FMN1: variants seen among roughly 807,000 people sequenced by gnomAD.
FMN1 encodes formin 1.
In FMN1, 110 loss-of-function variants were observed where a neutral mutation model predicts 132.4. The observed-to-expected ratio is 0.83, with a 90% confidence interval of 0.71 to 0.97. FMN1 has a LOEUF of 0.97. Ranked by LOEUF, FMN1 falls within the 50% of genes least tolerant of loss-of-function variation. The probability of loss-of-function intolerance (pLI) is 0.00; values close to 1 mark genes in which losing one functional copy is unlikely to be tolerated. For missense variants in FMN1, 1,792 were observed against 1,705.3 expected (o/e 1.05, Z -0.90); for synonymous variants, 722 against 651.7 (o/e 1.11, Z -1.64).
At chr15:32,941,075 C>A (rs1005743295) in intron 9 of FMN1, among the ~76,000 whole-genome samples, 6 of 151,798 alleles carry the variant, frequency 4.0e-5, no homozygotes, top group African/African-American at 1.2e-4. Flanking sequence ...AAGCAGCCTG[C>A]GAAAAAAATC....
chr15:32,990,065 T>G (rs1410096939), intron 7 of FMN1, among the ~76,000 whole-genome samples: 1 of 152,194 alleles, frequency 6.6e-6, no homozygotes, highest in Non-Finnish European at 1.5e-5. Context: ...GTTTTGGGAA[T>G]TTTAAATTTG....
chr15:32,856,274 G>A lies in FMN1; in HGVS notation c.3928+741C>T, dbSNP rs1430114777. ...CTCTAGCTTTCCAGCAGGGAAAAAA[G>A]CTGCCTGCAACAACCCCACACTTAT... On this transcript the variant is annotated intron_variant, in intron 17 of 20. Coordinates refer to ENST00000616417, the MANE Select transcript of FMN1 (RefSeq NM_001277313.2). 1.7e-4 allele frequency among the ~76,000 whole-genome samples: 26 copies of A among 152,276 alleles called. No individual in the cohort carries two copies. The South Asian group carries it at 5.4e-3, about 32-fold the overall frequency.
Position 32,830,881 on chromosome 15 carries a change from A to G in FMN1, c.3928+26134T>C, listed in dbSNP as rs565582015. On this transcript the variant is annotated intron_variant, in intron 17 of 20. Coordinates refer to ENST00000616417, the MANE Select transcript of FMN1 (RefSeq NM_001277313.2). ...AGTGCAAATGACATCTAAAGACGGG[A>G]TGAAATGTAACCTTTCAGATCGGGA... 4.6e-5 allele frequency among the ~76,000 whole-genome samples: 7 copies of G among 152,266 alleles called. No homozygotes were observed. The East Asian group carries it at 1.4e-3, about 29-fold the overall frequency.
intron 4 of FMN1, among the ~76,000 whole-genome samples, chr15:33,128,619 G>T (rs570965570): frequency 2.0e-5 from 3 of 152,176 alleles, no homozygotes; most frequent in African/African-American, 7.2e-5. Flanking sequence ...GGACCTTTGC[G>T]GCAAGTGTTA....
chr15:32,895,692 G>A (rs540456086), intron 15 of FMN1, among the ~76,000 whole-genome samples: 11 of 151,944 alleles, frequency 7.2e-5, no homozygotes, highest in Non-Finnish European at 1.5e-4. Flanking sequence ...TATGTCTTTT[G>A]TAAATTGCCT....
intron 12 of FMN1, among the ~76,000 whole-genome samples, chr15:32,904,577 G>C (rs543232891): frequency 6.6e-6 from 1 of 152,298 alleles, no homozygotes; most frequent in African/African-American, 2.4e-5. Context: ...GGGGCAAATG[G>C]ATGAGGAAGC....
At chr15:32,912,221 A>G (rs1234680034) in intron 10 of FMN1, among the ~76,000 whole-genome samples, 1 of 152,176 alleles carries the variant, frequency 6.6e-6, no homozygotes, top group East Asian at 1.9e-4. Context: ...GTAAATACTC[A>G]GTTTTTAAAA....
chr15:32,799,295 TTACA>T (rs928536066), intron 18 of FMN1, among the ~76,000 whole-genome samples: 4 of 152,176 alleles, frequency 2.6e-5, no homozygotes, highest in African/African-American at 9.7e-5. Context: ...TGTTTAGTGA[TTACA>T]TGCAAGGTGG....
chr15:32,778,690 C>T (rs1012911871), intron 19 of FMN1, among the ~76,000 whole-genome samples: 1 of 151,984 alleles, frequency 6.6e-6, no homozygotes. Flanking sequence ...AAACTGGAAC[C>T]CTTATACACT....
chr15:33,084,298 T>G (rs529187617), intron 5 of FMN1, among the ~76,000 whole-genome samples: 1 of 152,198 alleles, frequency 6.6e-6, no homozygotes, highest in African/African-American at 2.4e-5. Flanking sequence ...GTAACAGTAA[T>G]AGTCAGTAAA....
At chr15:33,156,589 C>T (rs1207855333) in intron 3 of FMN1, among the ~76,000 whole-genome samples, 2 of 151,922 alleles carry the variant, frequency 1.3e-5, no homozygotes, top group African/African-American at 2.4e-5. Context: ...TGCTCCCGGC[C>T]GTATTTTTAA....
intron 17 of FMN1, among the ~76,000 whole-genome samples, chr15:32,855,183 GAAAA>G (rs1273563935): frequency 8.5e-6 from 1 of 117,320 alleles, no homozygotes; most frequent in Non-Finnish European, 1.8e-5. Context: ...AAAAAAAAAA[GAAAA>G]AAGAAAGAAA....
chr15:33,024,047 A>G (rs530290193), intron 6 of FMN1, among the ~76,000 whole-genome samples: 92 of 152,240 alleles, frequency 6.0e-4, no homozygotes, highest in African/African-American at 2.0e-3. Context: ...AAGAAATCCT[A>G]TAAATAAATA....
At chr15:33,163,953 T>G (rs1054159233) in intron 3 of FMN1, among the ~76,000 whole-genome samples, 2 of 151,980 alleles carry the variant, frequency 1.3e-5, no homozygotes, top group African/African-American at 4.8e-5. Context: ...AAAACAGAAG[T>G]ATGTTTTCAG....
chr15:32,818,393 A>C (rs1469602632), intron 17 of FMN1, among the ~76,000 whole-genome samples: 2 of 152,186 alleles, frequency 1.3e-5, no homozygotes, highest in South Asian at 4.1e-4. Context: ...ATTTCAGAAT[A>C]ATTTTTTGAC....
chr15:32,877,129 T>A (rs1158979933), intron 16 of FMN1, among the ~76,000 whole-genome samples: 1 of 151,998 alleles, frequency 6.6e-6, no homozygotes, highest in Middle Eastern at 3.2e-3. Context: ...CTACTAAAAA[T>A]ACAAAAAATT....
At chr15:33,000,321 C>T (rs58833510) in intron 7 of FMN1, among the ~76,000 whole-genome samples, 1,985 of 151,936 alleles carry the variant, frequency 0.013, 50 homozygotes, top group African/African-American at 0.046. Context: ...CAGTGGCGGC[C>T]GCCTGTAGTC....
At chr15:32,863,182 G>A (rs565380468) in intron 16 of FMN1, among the ~76,000 whole-genome samples, 3 of 152,338 alleles carry the variant, frequency 2.0e-5, no homozygotes, top group South Asian at 2.1e-4. Flanking sequence ...GGTGGCTCAC[G>A]CCTGTAATCC....
chr15:33,128,258 A>C (rs192378843), intron 4 of FMN1, among the ~76,000 whole-genome samples: 10 of 144,296 alleles, frequency 6.9e-5, no homozygotes, highest in Non-Finnish European at 1.3e-4. Flanking sequence ...ACCCTCAGAG[A>C]GCAATAATTA....
Sources: allele counts gnomAD v4.1 joint callset (sites outside exome capture counted in the v4.1 genomes callset), GRCh38; gene constraint gnomAD v4.1.1; transcripts MANE v1.5; gene names NCBI Gene and HGNC (gene_info 2026-07-23, HGNC 2026-07-21).